The following SEPTIN10 variants were observed in gnomAD, a reference collection of about 807,000 sequenced individuals.
SEPTIN10 encodes septin-10.
A neutral mutation model predicts 54.8 loss-of-function variants in SEPTIN10; 66 were observed. The observed-to-expected ratio is 1.21, with a 90% CI of 0.99 to 1.48. The LOEUF is 1.48. Ranked by LOEUF, SEPTIN10 falls within the 40% of genes most tolerant of loss-of-function variation. SEPTIN10 has a pLI of 0.00. For synonymous variants in SEPTIN10, 161 were observed against 181.0 expected (o/e 0.89, Z 0.89); for missense variants, 620 against 545.6 (o/e 1.14, Z -1.36).
intron 8 of SEPTIN10, among the ~76,000 whole-genome samples, chr2:109,562,370 GC>G (rs1361226954): frequency 6.7e-6 from 1 of 148,930 alleles, no homozygotes; most frequent in Non-Finnish European, 1.5e-5. Flanking sequence ...ACTTCCACCT[GC>G]CCCCCTCCCC....
intron 1 of SEPTIN10, among the ~76,000 whole-genome samples, chr2:109,595,190 A>G (rs1695047221): frequency 6.6e-6 from 1 of 152,190 alleles, no homozygotes; most frequent in African/African-American, 2.4e-5. Context: ...CCCAGCCAAC[A>G]GTGTTTTCAA....
chr2:109,555,585 C>T (rs1684171610), intron 8 of SEPTIN10, among the ~76,000 whole-genome samples: 1 of 152,210 alleles, frequency 6.6e-6, no homozygotes, highest in Non-Finnish European at 1.5e-5. Flanking sequence ...AACTGACAAA[C>T]TGCGTCTGCC....
At chr2:109,580,121 T>TA (rs745397343) in intron 4 of SEPTIN10, among the ~76,000 whole-genome samples, 156 of 150,926 alleles carry the variant, frequency 1.0e-3, no homozygotes, top group Non-Finnish European at 1.7e-3. Context: ...AGTTCCATCT[T>TA]AAAAAAAGAG....
intron 5 of SEPTIN10, among the ~76,000 whole-genome samples, 189 bp downstream of exon 5, chr2:109,574,392 G>A (rs1214290093): frequency 1.5e-5 from 2 of 135,606 alleles, no homozygotes; most frequent in African/African-American, 5.6e-5. Flanking sequence ...GCTGCAGTAA[G>A]CCACGATCTC....
intron 2 of SEPTIN10, among the ~76,000 whole-genome samples, chr2:109,587,576 T>C (rs941919750): frequency 6.6e-6 from 1 of 152,120 alleles, no homozygotes; most frequent in Non-Finnish European, 1.5e-5. Context: ...CCAAAGGAAC[T>C]CACATCTAGG....
intron 1 of SEPTIN10, among the ~76,000 whole-genome samples, chr2:109,610,486 G>A (rs111935831): frequency 0.046 from 7,053 of 152,182 alleles, 563 homozygotes; most frequent in African/African-American, 0.16. Context: ...AGACTGAGAC[G>A]GGTGGATCAC....
At chr2:109,597,848 G>A (rs1291869788) in intron 1 of SEPTIN10, among the ~76,000 whole-genome samples, 1 of 152,180 alleles carries the variant, frequency 6.6e-6, no homozygotes, top group African/African-American at 2.4e-5. Flanking sequence ...CAATGTGACA[G>A]ACACACAATT....
intron 7 of SEPTIN10, among the ~76,000 whole-genome samples, chr2:109,564,900 G>A (rs1373430402): frequency 6.6e-6 from 1 of 152,296 alleles, no homozygotes; most frequent in East Asian, 1.9e-4. Context: ...AATGTTTAAA[G>A]AGTATGTAAT....
At chr2:109,545,608 A>T in intron 10 of SEPTIN10, 1 of 1,531,878 alleles carries the variant, frequency 6.5e-7, no homozygotes, top group Non-Finnish European at 8.7e-7. Flanking sequence ...ACTGAACCTA[A>T]GAATTAATTC....
Position 109,588,579 on chromosome 2 carries a change from C to T in SEPTIN10, c.100-2741G>A, listed in dbSNP as rs534510658. Among the ~76,000 whole-genome samples the T allele has an allele frequency of 5.9e-5, 9 of 152,088 alleles. No individual in the cohort carries two copies. In the East Asian group the frequency reaches 1.4e-3, roughly 23 times the overall value. On this transcript the variant is annotated intron_variant, in intron 2 of 10. Coordinates refer to ENST00000397712, the MANE Select transcript of SEPTIN10 (RefSeq NM_144710.5). ...TATGATCTTGGCTCACTGCAACCTC[C>T]GCCCCCCAGGTTCAAGGGATTATCC...
intron 1 of SEPTIN10, among the ~76,000 whole-genome samples, chr2:109,597,533 A>G (rs1045979553): frequency 6.6e-6 from 1 of 152,214 alleles, no homozygotes; most frequent in African/African-American, 2.4e-5. Context: ...GTTTCAACGC[A>G]CAAGGGGGTA....
At position 109,543,298 on chromosome 2, in the gene SEPTIN10, G is replaced by A. The variant is rs1380984149; in HGVS notation, c.*1011C>T. On this transcript the variant is annotated 3_prime_UTR_variant, in exon 11 of 11. Transcript: ENST00000397712. ...GTATGTAATGAAAAGTTTTCCTAAT[G>A]AAAGCTGTGATACACTCATGCTCAA... 5 of 152,276 alleles carry A rather than the reference G, an allele frequency of 3.3e-5. No individual in the cohort carries two copies. The highest frequency in any genetic ancestry group is 7.2e-5 in the African/African-American group (3 of 41,436). 9.4% of individuals were successfully genotyped at this position (152,276 alleles called of 1,614,324 possible).
At chr2:109,575,668 T>C (rs950266393) in intron 4 of SEPTIN10, among the ~76,000 whole-genome samples, 1 of 152,190 alleles carries the variant, frequency 6.6e-6, no homozygotes, top group Non-Finnish European at 1.5e-5. Context: ...TCTTAACTAT[T>C]CTCATTAAAC....
chr2:109,575,216 C>T (rs551423459), intron 4 of SEPTIN10, among the ~76,000 whole-genome samples: 2 of 152,128 alleles, frequency 1.3e-5, no homozygotes, highest in Admixed American at 6.5e-5. Context: ...CCAGACTGCT[C>T]GAAGGGGCTG....
intron 2 of SEPTIN10, among the ~76,000 whole-genome samples, chr2:109,592,190 C>A (rs901563648): frequency 9.3e-5 from 14 of 151,306 alleles, no homozygotes; most frequent in East Asian, 5.9e-4. Context: ...AACGGCCGGG[C>A]GTGGTGGCTC....
chr2:109,601,176 T>TG (rs1398558903), intron 1 of SEPTIN10, among the ~76,000 whole-genome samples: 1 of 152,188 alleles, frequency 6.6e-6, no homozygotes, highest in African/African-American at 2.4e-5. Flanking sequence ...TCCTAGAGAC[T>TG]GGGGGATGAA....
At chr2:109,564,996 T>C (rs1346895665) in intron 7 of SEPTIN10, among the ~76,000 whole-genome samples, 1 of 152,236 alleles carries the variant, frequency 6.6e-6, no homozygotes, top group Non-Finnish European at 1.5e-5. Context: ...ATTCTTTTTA[T>C]AGAACACATT....
At chr2:109,556,971 T>C (rs1158065279) in intron 8 of SEPTIN10, among the ~76,000 whole-genome samples, 1 of 151,916 alleles carries the variant, frequency 6.6e-6, no homozygotes, top group African/African-American at 2.4e-5. Context: ...AATTCAACAA[T>C]GAGAACACTT....
At chr2:109,555,674 C>T (rs1684195953) in intron 8 of SEPTIN10, among the ~76,000 whole-genome samples, 1 of 152,148 alleles carries the variant, frequency 6.6e-6, no homozygotes, top group Non-Finnish European at 1.5e-5. Context: ...CATCTGAAGC[C>T]TGTTAGCAAT....
Sources: gnomAD v4.1 joint callset for allele counts (sites outside exome capture counted in the v4.1 genomes callset) on GRCh38, gnomAD v4.1.1 for gene constraint, MANE v1.5 for transcripts, NCBI Gene and HGNC (gene_info 2026-07-23, HGNC 2026-07-21) for gene names.